HHAT: variants seen among roughly 807,000 people sequenced by gnomAD.
The protein encoded by HHAT is hedgehog acyltransferase.
In HHAT, 47 loss-of-function variants were observed where a neutral mutation model predicts 70.8. That is an observed-to-expected ratio of 0.66 (90% CI 0.53 to 0.85). The LOEUF (loss-of-function observed/expected upper bound fraction) is 0.85, where lower values mean the gene tolerates loss of function less well. Among genes scored for constraint, HHAT ranks in the 40% least tolerant of loss-of-function variants. The pLI, the probability that HHAT is intolerant of heterozygous loss-of-function variation, is 0.00. For synonymous variants in HHAT, 228 were observed against 247.6 expected (o/e 0.92, Z 0.74); for missense variants, 609 against 604.8 (o/e 1.01, Z -0.07).
At chr1:210,396,140 G>T (rs1414877887) in intron 4 of HHAT, among the ~76,000 whole-genome samples, 1 of 151,948 alleles carries the variant, frequency 6.6e-6, no homozygotes, top group African/African-American at 2.4e-5. Context: ...TGTCTCCACT[G>T]CTGTAAAAAT....
intron 8 of HHAT, among the ~76,000 whole-genome samples, chr1:210,495,867 G>A (rs1161270301): frequency 1.3e-5 from 2 of 152,012 alleles, no homozygotes; most frequent in African/African-American, 4.8e-5. Context: ...AGCCAGATGG[G>A]TATGGTGGTG....
intron 4 of HHAT, among the ~76,000 whole-genome samples, chr1:210,399,174 C>G (rs1558436511): frequency 1.3e-5 from 2 of 152,236 alleles, no homozygotes; most frequent in Non-Finnish European, 2.9e-5. Flanking sequence ...CGTGAGACAT[C>G]ACATTTCCCT....
At chr1:210,497,163 G>C (rs974883576) in intron 8 of HHAT, among the ~76,000 whole-genome samples, 10 of 152,114 alleles carry the variant, frequency 6.6e-5, no homozygotes, top group Non-Finnish European at 1.0e-4. Context: ...CTTGAGAATA[G>C]GGATTATTAG....
chr1:210,586,006 T>C (rs1660359891), intron 9 of HHAT, among the ~76,000 whole-genome samples: 1 of 152,154 alleles, frequency 6.6e-6, no homozygotes, highest in Admixed American at 6.6e-5. Flanking sequence ...ACACCAAGGT[T>C]GAGGCCTAGA....
At chr1:210,386,227 T>TTC (rs2091034285) in intron 3 of HHAT, among the ~76,000 whole-genome samples, 7 of 97,360 alleles carry the variant, frequency 7.2e-5, no homozygotes, top group African/African-American at 3.0e-4. Flanking sequence ...CTTTTCTTTT[T>TTC]TTCTTTTTTT....
rs111732010 is a variant in HHAT at position 210,454,280 on chromosome 1, A to G, written c.857-10225A>G. On this transcript the variant is annotated intron_variant, in intron 7 of 11. Transcript: ENST00000261458. ...TGTGTAAAGCTCCCTTCGGCCGGGCACGGTGACTCACGCCTGTAATCCCAG... is the reference window on the plus strand; with the variant it reads ...TGTGTAAAGCTCCCTTCGGCCGGGCGCGGTGACTCACGCCTGTAATCCCAG... Among the ~76,000 whole-genome samples the G allele has an allele frequency of 2.2e-3, 339 of 152,286 alleles. 2 individuals are homozygous for G. Among genetic ancestry groups the G allele is most frequent in the African/African-American group, 7.6e-3 (314 of 41,562 alleles).
chr1:210,352,467 C>T (rs1434909061), intron 2 of HHAT, among the ~76,000 whole-genome samples: 3 of 152,126 alleles, frequency 2.0e-5, no homozygotes, highest in Non-Finnish European at 2.9e-5. Context: ...CTGGAAAAAT[C>T]GTCTTTACTC....
At chr1:210,629,875 C>T (rs1329847737) in intron 11 of HHAT, among the ~76,000 whole-genome samples, 1 of 148,288 alleles carries the variant, frequency 6.7e-6, no homozygotes, top group Non-Finnish European at 1.5e-5. Flanking sequence ...GAGACGGAGT[C>T]TCTGTCACCC....
chr1:210,396,489 C>T (rs1250739204), intron 4 of HHAT, among the ~76,000 whole-genome samples: 2 of 152,222 alleles, frequency 1.3e-5, no homozygotes, highest in African/African-American at 4.8e-5. Flanking sequence ...GCATTGCTGG[C>T]AGGAAAGTAT....
intron 9 of HHAT, among the ~76,000 whole-genome samples, chr1:210,573,695 C>A (rs1255767953): frequency 6.6e-6 from 1 of 152,174 alleles, no homozygotes; most frequent in East Asian, 1.9e-4. Flanking sequence ...CCCCATCAGT[C>A]CCCGCCAGCT....
chr1:210,506,866 G>A (rs901589527), intron 8 of HHAT, among the ~76,000 whole-genome samples: 2 of 152,154 alleles, frequency 1.3e-5, no homozygotes, highest in African/African-American at 4.8e-5. Flanking sequence ...GAAGGCTCTG[G>A]TTCTTGCCCT....
In HHAT at chr1:210,360,846, CTT is replaced by C. The variant is rs3036585; in HGVS notation, c.92-1988_92-1987del. Among the ~76,000 whole-genome samples the C allele has an allele frequency of 6.5e-3, 810 of 124,282 alleles. 6 individuals are homozygous for C. The highest frequency in any genetic ancestry group is 0.019 in the African/African-American group (576 of 30,786). The allele number at this position is 124,282 out of a possible 152,430, so 81.5% of individuals were successfully genotyped here. On this transcript the variant is annotated intron_variant, in intron 2 of 11. Transcript: ENST00000261458. Reference sequence around the variant, plus strand: ...ATATTGGAATAAATAATTAACTTCACTTTTTTTTTTTTTTTTTTTAACTTTGT... The same window carrying C: ...ATATTGGAATAAATAATTAACTTCACTTTTTTTTTTTTTTTTTAACTTTGT...
At chr1:210,577,546 A>G (rs1054912282) in intron 9 of HHAT, among the ~76,000 whole-genome samples, 1 of 151,866 alleles carries the variant, frequency 6.6e-6, no homozygotes, top group Non-Finnish European at 1.5e-5. Context: ...AACATGACGA[A>G]CGATTCTTTC....
At chr1:210,613,301 A>C (rs1390188588) in intron 10 of HHAT, among the ~76,000 whole-genome samples, 2 of 152,146 alleles carry the variant, frequency 1.3e-5, no homozygotes, top group African/African-American at 4.8e-5. Context: ...ATAAGGGTCC[A>C]GTTTCGTTCT....
At chr1:210,562,963 A>G (rs1046876571) in intron 9 of HHAT, among the ~76,000 whole-genome samples, 1 of 151,944 alleles carries the variant, frequency 6.6e-6, no homozygotes, top group Non-Finnish European at 1.5e-5. Flanking sequence ...AGCTTCATCC[A>G]TGTCCCTACA....
chr1:210,457,252 G>A (rs2093888714), intron 7 of HHAT, among the ~76,000 whole-genome samples: 1 of 152,018 alleles, frequency 6.6e-6, no homozygotes, highest in South Asian at 2.1e-4. Flanking sequence ...TATTATTCTT[G>A]ATTCGTCTTT....
intron 7 of HHAT, among the ~76,000 whole-genome samples, chr1:210,418,580 A>G (rs1558478374): frequency 6.6e-6 from 1 of 152,158 alleles, no homozygotes. Context: ...ATGGGATCCT[A>G]CTGACCTTAG....
chr1:210,663,686 T>C (rs1271239138), intron 11 of HHAT, among the ~76,000 whole-genome samples: 1 of 152,156 alleles, frequency 6.6e-6, no homozygotes, highest in East Asian at 1.9e-4. Flanking sequence ...CCTACAACAG[T>C]AGTTCCCAAA....
intron 2 of HHAT, among the ~76,000 whole-genome samples, chr1:210,353,365 T>C (rs78709073): frequency 0.016 from 2,456 of 151,750 alleles, 47 homozygotes; most frequent in African/African-American, 0.051. Context: ...GTCAATTTAA[T>C]GCAATATTCG....
Sources: allele counts gnomAD v4.1 joint callset (sites outside exome capture counted in the v4.1 genomes callset), GRCh38; gene constraint gnomAD v4.1.1; transcripts MANE v1.5; gene names NCBI Gene and HGNC (gene_info 2026-07-23, HGNC 2026-07-21).